CEP170: variants seen among roughly 807,000 people sequenced by gnomAD.
CEP170 encodes the protein centrosomal protein of 170 kDa.
Under a neutral mutation model 151.9 loss-of-function variants are expected in CEP170, and 21 were observed. That is an observed-to-expected ratio of 0.14 (90% confidence interval 0.10 to 0.20). The LOEUF (loss-of-function observed/expected upper bound fraction) is 0.20. Among genes scored for constraint, CEP170 ranks in the 10% least tolerant of loss-of-function variants. The probability of loss-of-function intolerance (pLI) is 1.00; values close to 1 mark genes in which losing one functional copy is unlikely to be tolerated. For synonymous variants in CEP170, 356 were observed against 648.8 expected (o/e 0.55, Z 6.86); for missense variants, 964 against 1,892.9 (o/e 0.51, Z 9.11).
chr1:243,188,994 C>A (rs2060106478), intron 8 of CEP170, among the ~76,000 whole-genome samples: 1 of 152,130 alleles, frequency 6.6e-6, no homozygotes, highest in Admixed American at 6.5e-5. Flanking sequence ...TTCACAAAAA[C>A]ATTATCTTCA....
At chr1:243,217,577 G>A (rs1558620339) in intron 3 of CEP170, among the ~76,000 whole-genome samples, 1 of 152,112 alleles carries the variant, frequency 6.6e-6, no homozygotes, top group Non-Finnish European at 1.5e-5. Context: ...GTCTAAAAAG[G>A]CTTAGGAAAT....
intron 11 of CEP170, among the ~76,000 whole-genome samples, chr1:243,171,814 G>A (rs948838355): frequency 1.3e-5 from 2 of 151,990 alleles, no homozygotes; most frequent in African/African-American, 4.8e-5. Context: ...TTGTGTAGAT[G>A]AGAAAACAGA....
chr1:243,152,722 G>A (rs988218230), intron 14 of CEP170, among the ~76,000 whole-genome samples: 2 of 150,026 alleles, frequency 1.3e-5, no homozygotes, highest in Admixed American at 1.3e-4. Flanking sequence ...TAGTAGAGAC[G>A]GGGTTTCACC....
At position 243,126,318 on chromosome 1, in the gene CEP170, A is replaced by G; in HGVS notation, c.*131T>C. On this transcript the variant is annotated 3_prime_UTR_variant, in exon 20 of 20. Transcript: ENST00000366542. ...CATTATACGTCAAAAATAAATAAAT[A>G]AAATTAAGAAGACAGGGATTCCAAG... is the stretch of plus-strand genomic sequence containing the variant. 2.2e-6 allele frequency: 2 copies of G among 929,286 alleles called. No homozygotes were observed. The highest frequency in any genetic ancestry group is 3.3e-6 in the Non-Finnish European group (2 of 598,782). 57.6% of individuals were successfully genotyped at this position (929,286 alleles called of 1,614,324 possible). A position where few individuals can be genotyped will look rare whatever the true frequency, so the allele number is the denominator to read the frequency against.
intron 3 of CEP170, among the ~76,000 whole-genome samples, chr1:243,216,289 T>C (rs2062282306): frequency 6.6e-6 from 1 of 152,124 alleles, no homozygotes; most frequent in African/African-American, 2.4e-5. Context: ...GCCATGCTGG[T>C]GTGCTGCACC....
intron 17 of CEP170, among the ~76,000 whole-genome samples, chr1:243,134,305 T>C (rs1174078118): frequency 6.6e-6 from 1 of 152,194 alleles, no homozygotes; most frequent in East Asian, 1.9e-4. Flanking sequence ...TACTTATTTG[T>C]TAAGTAAATA....
At chr1:243,200,926 C>T (rs2148835233) in intron 4 of CEP170, 91 bp from the exon 5 acceptor site, 1 of 1,392,534 alleles carries the variant, frequency 7.2e-7, no homozygotes, top group Admixed American at 2.5e-5. Context: ...TGTTCTATTT[C>T]AACAGGTAAC....
chr1:243,191,289 T>C lies in CEP170; in HGVS notation c.837A>G (p.Ser279=), dbSNP rs1440078864. 6.2e-7 allele frequency: 1 copy of C among 1,612,834 alleles called. No homozygotes were observed. The highest frequency in any genetic ancestry group is 8.5e-7 in the Non-Finnish European group (1 of 1,179,428). Residue 279 remains serine (S), a synonymous_variant, in exon 8 of 20, where the codon TCA becomes TCG. Transcript: ENST00000366542. ...TACTGTCATCAAATTCAATGGTAAATGAAGCATGCCCTGCACCTGTTATAT... is the reference window on the plus strand; with the variant it reads ...TACTGTCATCAAATTCAATGGTAAACGAAGCATGCCCTGCACCTGTTATAT... ...SSHITGAGHA[S]FTIEFDDSTP... is the part of the protein sequence containing the mutation.
chr1:243,158,762 T>C (rs1257477837), intron 13 of CEP170, among the ~76,000 whole-genome samples: 1 of 152,068 alleles, frequency 6.6e-6, no homozygotes, highest in African/African-American at 2.4e-5. Context: ...CTACTAATAA[T>C]ATCTTTTAAA....
chr1:243,197,074 G>T (rs903292102), intron 7 of CEP170, among the ~76,000 whole-genome samples: 2 of 152,076 alleles, frequency 1.3e-5, no homozygotes, highest in African/African-American at 4.8e-5. Context: ...GACAGTCATT[G>T]TAGTTTCTTG....
chr1:243,201,266 T>A (rs1231173008), intron 4 of CEP170, among the ~76,000 whole-genome samples: 1 of 152,042 alleles, frequency 6.6e-6, no homozygotes, highest in Non-Finnish European at 1.5e-5. Context: ...TCAAACTTCA[T>A]AAGCATTGAT....
At chr1:243,237,501 A>G (rs1169007781) in intron 1 of CEP170, among the ~76,000 whole-genome samples, 2 of 152,222 alleles carry the variant, frequency 1.3e-5, no homozygotes, top group South Asian at 2.1e-4. Flanking sequence ...TCATACTTAT[A>G]GTATATAAAC....
Position 243,191,143 on chromosome 1 carries a change from G to T in CEP170, c.983C>A (p.Ala328Glu). 6.2e-7 allele frequency: 1 copy of T among 1,613,194 alleles called. No individual in the cohort carries two copies. Among genetic ancestry groups the T allele is most frequent in the Non-Finnish European group, 8.5e-7 (1 of 1,179,464 alleles). ...DLLGIQTGMM[A>E]PENKVADWLA... ...CCAGTCAGCAACTTTGTTTTCGGGTGCCATCATTCCTGTTTGAATCCCCAG... is the reference window on the plus strand; with the variant it reads ...CCAGTCAGCAACTTTGTTTTCGGGTTCCATCATTCCTGTTTGAATCCCCAG... Residue 328 changes from alanine (A) to glutamate (E), a missense_variant, in exon 8 of 20, where the codon GCA becomes GAA. Ala to Glu is a moderately radical substitution (Grantham distance 107). Transcript: ENST00000366542.
chr1:243,190,233 C>T (rs1466600917), intron 8 of CEP170, among the ~76,000 whole-genome samples: 6 of 152,070 alleles, frequency 3.9e-5, no homozygotes, highest in Non-Finnish European at 7.4e-5. Flanking sequence ...TGTTCAAAAT[C>T]GTTTTCCTTA....
chr1:243,179,904 T>G (rs979485986), intron 10 of CEP170, among the ~76,000 whole-genome samples: 4 of 152,142 alleles, frequency 2.6e-5, no homozygotes, highest in Non-Finnish European at 5.9e-5. Flanking sequence ...GATGGAGAGA[T>G]ATAAGAAGTG....
At chr1:243,224,702 T>C (rs907752042) in intron 2 of CEP170, among the ~76,000 whole-genome samples, 1 of 152,202 alleles carries the variant, frequency 6.6e-6, no homozygotes, top group African/African-American at 2.4e-5. Context: ...ACTATCTGTG[T>C]GTATCACATA....
intron 1 of CEP170, among the ~76,000 whole-genome samples, chr1:243,235,828 A>T (rs1250371263): frequency 6.6e-6 from 1 of 152,214 alleles, no homozygotes; most frequent in East Asian, 1.9e-4. Context: ...TTAATTAAAG[A>T]TTTCTTCATA....
chr1:243,219,336 T>C (rs1353572922), intron 3 of CEP170, among the ~76,000 whole-genome samples: 2 of 152,220 alleles, frequency 1.3e-5, no homozygotes, highest in East Asian at 3.8e-4. Context: ...GTAGTATATA[T>C]GAGGAAACTG....
chr1:243,236,818 A>G (rs1169400202), intron 1 of CEP170, among the ~76,000 whole-genome samples: 1 of 152,214 alleles, frequency 6.6e-6, no homozygotes, highest in Non-Finnish European at 1.5e-5. Flanking sequence ...AGTCTGGGTT[A>G]AGGGTCTGTT....
Sources: allele counts gnomAD v4.1 joint callset (sites outside exome capture counted in the v4.1 genomes callset), GRCh38; gene constraint gnomAD v4.1.1; transcripts MANE v1.5; gene names NCBI Gene and HGNC (gene_info 2026-07-23, HGNC 2026-07-21).